PRDM16: variants seen among roughly 807,000 people sequenced by gnomAD.
The protein encoded by PRDM16 is histone-lysine N-methyltransferase PRDM16.
PRDM16 carries 23 observed loss-of-function variants against 110.6 expected under a neutral mutation model. The ratio of observed to expected loss-of-function variants is 0.21; its 90% CI spans 0.15 to 0.29. PRDM16 has a LOEUF of 0.29. Ranked by LOEUF, PRDM16 falls within the 10% of genes least tolerant of loss-of-function variation. The pLI, the probability that PRDM16 is intolerant of heterozygous loss-of-function variation, is 1.00. For synonymous variants in PRDM16, 799 were observed against 781.8 expected (o/e 1.02, Z -0.37); for missense variants, 1,615 against 1,794.3 (o/e 0.90, Z 1.81).
intron 3 of PRDM16, among the ~76,000 whole-genome samples, chr1:3,298,509 C>T (rs1437608926): frequency 6.6e-6 from 1 of 152,250 alleles, no homozygotes; most frequent in Admixed American, 6.5e-5. Flanking sequence ...ATCCCCACCC[C>T]CCGGCCCGGA....
At chr1:3,085,971 G>T (rs1239035196) in intron 1 of PRDM16, among the ~76,000 whole-genome samples, 1 of 152,264 alleles carries the variant, frequency 6.6e-6, no homozygotes, top group Non-Finnish European at 1.5e-5. Flanking sequence ...AGGGACAGGG[G>T]CTGCACCTGA....
chr1:3,112,061 A>G (rs1642808448), intron 1 of PRDM16, among the ~76,000 whole-genome samples: 3 of 152,194 alleles, frequency 2.0e-5, no homozygotes, highest in African/African-American at 7.2e-5. Flanking sequence ...TGGGAAGTAA[A>G]CAGAAAAGAC....
rs145189931 is a variant in PRDM16, at chr1:3,408,868, G to A, written c.1187-2516G>A. 4.9e-4 allele frequency among the ~76,000 whole-genome samples: 73 copies of A among 149,766 alleles called. 2 individuals are homozygous for A. In the Middle Eastern group the frequency reaches 0.015, roughly 30 times the overall value. On this transcript the variant is annotated intron_variant, in intron 8 of 16. Coordinates refer to ENST00000270722, the MANE Select transcript of PRDM16 (RefSeq NM_022114.4). The stretch of plus-strand genomic sequence containing the variant: ...GATGTGAGAGCACGAGGGTGGGCAC[G>A]TGAGCTGGTGCGTGTGTGTGTGAGA...
chr1:3,165,658 T>A (rs1257215142), intron 1 of PRDM16, among the ~76,000 whole-genome samples: 9 of 70,748 alleles, frequency 1.3e-4, no homozygotes, highest in African/African-American at 1.8e-4. Flanking sequence ...GGGACTCACC[T>A]GGGCTCAGGG....
intron 1 of PRDM16, among the ~76,000 whole-genome samples, chr1:3,117,825 G>A (rs1642994392): frequency 6.6e-6 from 1 of 152,126 alleles, no homozygotes; most frequent in African/African-American, 2.4e-5. Flanking sequence ...CTGGTCTTGG[G>A]GAGAGGCCTC....
At chr1:3,239,142 A>G (rs1456899115) in intron 2 of PRDM16, among the ~76,000 whole-genome samples, 4 of 152,238 alleles carry the variant, frequency 2.6e-5, no homozygotes, top group African/African-American at 9.6e-5. Context: ...AAGAAAATTA[A>G]GAATGAGATT....
intron 1 of PRDM16, among the ~76,000 whole-genome samples, chr1:3,184,046 T>A (rs915862464): frequency 6.6e-6 from 1 of 150,642 alleles, no homozygotes; most frequent in East Asian, 2.0e-4. Flanking sequence ...GGGCGGGGGT[T>A]ATGGGGGTGT....
chr1:3,337,294 G>A (rs1642180765), intron 3 of PRDM16, among the ~76,000 whole-genome samples: 1 of 152,206 alleles, frequency 6.6e-6, no homozygotes, highest in Non-Finnish European at 1.5e-5. Flanking sequence ...TTCTAATTCA[G>A]GAGACAGGAG....
At chr1:3,287,276 C>T (rs558549401) in intron 3 of PRDM16, among the ~76,000 whole-genome samples, 1 of 149,512 alleles carries the variant, frequency 6.7e-6, no homozygotes, top group Admixed American at 6.6e-5. Context: ...GGCGCCCCGC[C>T]ACGCGGGCAT....
chr1:3,144,263 G>T (rs1179890501), intron 1 of PRDM16, among the ~76,000 whole-genome samples: 1 of 152,172 alleles, frequency 6.6e-6, no homozygotes, highest in African/African-American at 2.4e-5. Flanking sequence ...CCCGGTACAT[G>T]GACAACCTGG....
chr1:3,396,464 C>A, intron 4 of PRDM16, 27 bp from the exon 5 acceptor site: 2 of 1,297,704 alleles, frequency 1.5e-6, no homozygotes, highest in East Asian at 2.4e-5. Flanking sequence ...CCACACTCAC[C>A]CTTTCTCTCT....
chr1:3,078,117 AG>A (rs1641940305), intron 1 of PRDM16, among the ~76,000 whole-genome samples: 1 of 152,028 alleles, frequency 6.6e-6, no homozygotes, highest in Non-Finnish European at 1.5e-5. Flanking sequence ...TAGTTCTTGC[AG>A]GGGGCTGGGG....
chr1:3,404,330 A>T (rs948423276), intron 6 of PRDM16, among the ~76,000 whole-genome samples: 1 of 152,182 alleles, frequency 6.6e-6, no homozygotes, highest in Admixed American at 6.5e-5. Flanking sequence ...TCAGAGGGGC[A>T]TCCTTGGGTT....
intron 1 of PRDM16, among the ~76,000 whole-genome samples, chr1:3,079,145 C>G (rs1003586445): frequency 6.6e-6 from 1 of 152,254 alleles, no homozygotes; most frequent in Admixed American, 6.5e-5. Context: ...GGTGGAGCCG[C>G]GTCCCGGAAT....
chr1:3,131,397 T>C (rs1393216486), intron 1 of PRDM16, among the ~76,000 whole-genome samples: 5 of 152,218 alleles, frequency 3.3e-5, no homozygotes, highest in Non-Finnish European at 4.4e-5. Context: ...TGAAGGAATG[T>C]GAGGCGGCTG....
chr1:3,415,662 C>A (rs1292362852), intron 10 of PRDM16, among the ~76,000 whole-genome samples: 3 of 152,230 alleles, frequency 2.0e-5, no homozygotes, highest in Non-Finnish European at 4.4e-5. Context: ...GCAAGCCGGG[C>A]GGGAGAGGCC....
At chr1:3,097,697 G>A (rs745634472) in intron 1 of PRDM16, among the ~76,000 whole-genome samples, 26 of 152,186 alleles carry the variant, frequency 1.7e-4, no homozygotes, top group Non-Finnish European at 3.5e-4. Flanking sequence ...TACCATGGAG[G>A]GAGGCAGAGA....
chr1:3,099,733 A>G (rs1246033738), intron 1 of PRDM16, among the ~76,000 whole-genome samples: 1 of 152,200 alleles, frequency 6.6e-6, no homozygotes, highest in Admixed American at 6.5e-5. Context: ...CCAGGCCGCC[A>G]TGGCAGGTAT....
chr1:3,437,519 G>A lies in PRDM16; in HGVS notation c.*3708G>A, dbSNP rs143827174. ...GCTCGCCCCTGCACTGCAGCCTTGT[G>A]GGGGAGGGCAAGGCTCTCCTCCCAG... is the stretch of plus-strand genomic sequence containing the variant. On this transcript the variant is annotated 3_prime_UTR_variant, in exon 17 of 17. Transcript: ENST00000270722. 3.9e-5 allele frequency: 9 copies of A among 229,112 alleles called. No individual in the cohort carries two copies. The highest frequency in any genetic ancestry group is 1.1e-4 in the Admixed American group (2 of 17,664). 14.2% of individuals were successfully genotyped at this position (229,112 alleles called of 1,614,324 possible).
Sources: allele counts gnomAD v4.1 joint callset (sites outside exome capture counted in the v4.1 genomes callset), GRCh38; gene constraint gnomAD v4.1.1; transcripts MANE v1.5; gene names NCBI Gene and HGNC (gene_info 2026-07-23, HGNC 2026-07-21).